Variants in LDB2 observed in about 807,000 individuals in gnomAD.
LDB2 encodes the protein LIM domain-binding protein 2.
Under a neutral mutation model 44.3 loss-of-function variants are expected in LDB2, and 12 were observed. That is an observed-to-expected ratio of 0.27 (90% confidence interval 0.17 to 0.44). The LOEUF (loss-of-function observed/expected upper bound fraction) is 0.44. Ranked by LOEUF, LDB2 falls within the 20% of genes least tolerant of loss-of-function variation. The pLI is 1.00. For missense variants in LDB2, 344 were observed against 473.5 expected, an observed-to-expected ratio of 0.73 and a Z score of 2.54; for synonymous variants, 164 against 174.8, an observed-to-expected ratio of 0.94 and a Z score of 0.49.
intron 2 of LDB2, among the ~76,000 whole-genome samples, chr4:16,683,479 G>A (rs1478329474): frequency 1.3e-5 from 2 of 152,168 alleles, no homozygotes; most frequent in Non-Finnish European, 2.9e-5. Flanking sequence ...AAACTTATCT[G>A]TAAAAGAAGT....
chr4:16,620,112 C>T (rs1339271414), intron 2 of LDB2, among the ~76,000 whole-genome samples: 1 of 152,114 alleles, frequency 6.6e-6, no homozygotes, highest in Non-Finnish European at 1.5e-5. Flanking sequence ...CTCCTGTTGT[C>T]CAAAAGTTCC....
Position 16,759,383 on chromosome 4 carries a change from G to C in LDB2, c.133-123C>G, listed in dbSNP as rs1579399583. On this transcript the variant is annotated intron_variant, in intron 1 of 7. Transcript: ENST00000304523. ...GCTCATTACTTCGCGTATGTGTGTA[G>C]GTGTTCTAGGAAAGGGTAGGTGGGC... is the stretch of plus-strand genomic sequence containing the variant. 3 of 690,774 alleles carry C rather than the reference G, an allele frequency of 4.3e-6. No homozygotes were observed. In the East Asian group the frequency reaches 8.1e-5, roughly 19 times the overall value. 42.8% of individuals were successfully genotyped at this position (690,774 alleles called of 1,614,324 possible).
intron 1 of LDB2, among the ~76,000 whole-genome samples, chr4:16,882,773 A>G (rs537820786): frequency 2.0e-4 from 31 of 152,216 alleles, no homozygotes; most frequent in Non-Finnish European, 3.8e-4. Flanking sequence ...ATAGGTTTAA[A>G]TCACCATCCC....
chr4:16,808,733 G>GT (rs1779238159), intron 1 of LDB2, among the ~76,000 whole-genome samples: 1 of 152,186 alleles, frequency 6.6e-6, no homozygotes. Context: ...AGTTCTGCTA[G>GT]TTTGGGACAG....
intron 5 of LDB2, among the ~76,000 whole-genome samples, chr4:16,531,309 G>A (rs1342647687): frequency 6.6e-6 from 1 of 152,080 alleles, no homozygotes; most frequent in Admixed American, 6.5e-5. Flanking sequence ...AGTTCCTCTG[G>A]TACTTCCCTG....
intron 5 of LDB2, among the ~76,000 whole-genome samples, chr4:16,543,408 A>G (rs1434760781): frequency 2.0e-5 from 3 of 150,622 alleles, no homozygotes; most frequent in African/African-American, 4.9e-5. Context: ...AAGTGTTCCT[A>G]TTTCTCCACA....
At chr4:16,731,585 G>T (rs1006174970) in intron 2 of LDB2, among the ~76,000 whole-genome samples, 1 of 152,166 alleles carries the variant, frequency 6.6e-6, no homozygotes, top group Non-Finnish European at 1.5e-5. Context: ...AAGTCAGAAA[G>T]AGAGCCCTCA....
intron 2 of LDB2, among the ~76,000 whole-genome samples, chr4:16,627,659 A>G (rs567949723): frequency 1.3e-5 from 2 of 152,352 alleles, no homozygotes; most frequent in South Asian, 4.1e-4. Context: ...TGTGGTAGGC[A>G]GCCTCCAAGA....
intron 2 of LDB2, among the ~76,000 whole-genome samples, chr4:16,626,366 G>T (rs6829729): frequency 0.38 from 57,822 of 151,934 alleles, 11,227 homozygotes; most frequent in East Asian, 0.58. Context: ...TCTTTCTCTC[G>T]CTGTTTTGCA....
intron 5 of LDB2, among the ~76,000 whole-genome samples, chr4:16,523,618 A>C (rs1177974595): frequency 2.6e-5 from 4 of 152,092 alleles, no homozygotes; most frequent in Non-Finnish European, 4.4e-5. Context: ...GTGTGTATCC[A>C]GGCTACTCAG....
intron 3 of LDB2, among the ~76,000 whole-genome samples, 174 bp downstream of exon 3, chr4:16,595,529 C>T (rs183876511): frequency 6.8e-4 from 104 of 152,200 alleles, no homozygotes; most frequent in African/African-American, 2.3e-3. Flanking sequence ...ATCTTAGAAC[C>T]GTGTTCACCC....
At chr4:16,775,746 G>A (rs1258819996) in intron 1 of LDB2, among the ~76,000 whole-genome samples, 1 of 152,140 alleles carries the variant, frequency 6.6e-6, no homozygotes, top group Non-Finnish European at 1.5e-5. Context: ...CATGAGAAAT[G>A]AGACTGCAAA....
intron 2 of LDB2, among the ~76,000 whole-genome samples, chr4:16,640,717 G>A (rs578110831): frequency 3.9e-5 from 6 of 152,294 alleles, no homozygotes; most frequent in Admixed American, 6.5e-5. Context: ...ACTTGGCCCA[G>A]GTTTCACAGC....
intron 2 of LDB2, among the ~76,000 whole-genome samples, chr4:16,632,667 A>AT (rs1176168567): frequency 6.6e-6 from 1 of 152,214 alleles, no homozygotes; most frequent in Non-Finnish European, 1.5e-5. Flanking sequence ...ACATGATTGT[A>AT]TACTTAGAAA....
At chr4:16,630,259 C>A (rs1261420177) in intron 2 of LDB2, among the ~76,000 whole-genome samples, 1 of 152,212 alleles carries the variant, frequency 6.6e-6, no homozygotes, top group Admixed American at 6.5e-5. Context: ...CCCTACAAGC[C>A]AGAAGAGAGT....
chr4:16,603,176 A>G (rs1401546689), intron 2 of LDB2, among the ~76,000 whole-genome samples: 2 of 152,250 alleles, frequency 1.3e-5, no homozygotes, highest in African/African-American at 4.8e-5. Flanking sequence ...GGAGAAGTCC[A>G]GAGCAATGGA....
At chr4:16,737,313 C>G (rs1372040205) in intron 2 of LDB2, among the ~76,000 whole-genome samples, 6 of 152,150 alleles carry the variant, frequency 3.9e-5, no homozygotes, top group Non-Finnish European at 1.5e-5. Flanking sequence ...ACTGCAGCCT[C>G]AAGCTCCTGG....
At chr4:16,744,472 T>C (rs1377659373) in intron 2 of LDB2, among the ~76,000 whole-genome samples, 1 of 150,508 alleles carries the variant, frequency 6.6e-6, no homozygotes, top group East Asian at 2.0e-4. Flanking sequence ...ACGTGATTTT[T>C]TTTTGCTTGT....
chr4:16,776,374 G>T (rs1160896393), intron 1 of LDB2, among the ~76,000 whole-genome samples: 1 of 152,194 alleles, frequency 6.6e-6, no homozygotes, highest in African/African-American at 2.4e-5. Flanking sequence ...CATTTTTGGG[G>T]GATCTTAGTG....
Sources: allele counts gnomAD v4.1 joint callset (sites outside exome capture counted in the v4.1 genomes callset), GRCh38; gene constraint gnomAD v4.1.1; transcripts MANE v1.5; gene names NCBI Gene and HGNC (gene_info 2026-07-23, HGNC 2026-07-21).